Variants in PPARGC1A observed in about 807,000 individuals in gnomAD.
PPARGC1A encodes peroxisome proliferator-activated receptor gamma coactivator 1-alpha.
Under a neutral mutation model 88.7 loss-of-function variants are expected in PPARGC1A, and 25 were observed. That is an observed-to-expected ratio of 0.28 (90% CI 0.21 to 0.39). PPARGC1A has a LOEUF of 0.39. Among genes scored for constraint, PPARGC1A ranks in the 10% least tolerant of loss-of-function variants. The probability of loss-of-function intolerance (pLI) is 1.00; values close to 1 mark genes in which losing one functional copy is unlikely to be tolerated. For synonymous variants in PPARGC1A, 363 were observed against 355.6 expected (o/e 1.02, Z -0.24); for missense variants, 880 against 968.7 (o/e 0.91, Z 1.22).
At chr4:23,966,646 T>C in the PPARGC1A span, among the ~76,000 whole-genome samples, 1 of 152,184 alleles carries the variant, frequency 6.6e-6, no homozygotes, top group South Asian at 2.1e-4. Flanking sequence ...TTAAAATGGG[T>C]ATCAGCAGCT....
chr4:24,372,059 CTT>C, the PPARGC1A span, among the ~76,000 whole-genome samples: 1 of 152,174 alleles, frequency 6.6e-6, no homozygotes, highest in Non-Finnish European at 1.5e-5. Context: ...ATCTCTCTCT[CTT>C]GCCTCCAGAG....
the PPARGC1A span, among the ~76,000 whole-genome samples, chr4:24,292,349 G>A: frequency 6.6e-6 from 1 of 151,906 alleles, no homozygotes; most frequent in Non-Finnish European, 1.5e-5. Flanking sequence ...GCTGTCCACT[G>A]GTCTAAAGAA....
chr4:23,974,718 C>T, the PPARGC1A span, among the ~76,000 whole-genome samples: 2 of 151,230 alleles, frequency 1.3e-5, no homozygotes, highest in Middle Eastern at 3.5e-3. Context: ...CTGCAAGTTC[C>T]GCCCCCCGGG....
chr4:24,402,850 T>C, the PPARGC1A span, among the ~76,000 whole-genome samples: 9 of 152,254 alleles, frequency 5.9e-5, no homozygotes, highest in African/African-American at 1.9e-4. Flanking sequence ...GCTCTATGCT[T>C]GGTGCTAGAT....
At chr4:24,008,333 A>C in the PPARGC1A span, among the ~76,000 whole-genome samples, 38 of 152,320 alleles carry the variant, frequency 2.5e-4, no homozygotes, top group African/African-American at 8.4e-4. Flanking sequence ...GAAACAGAAA[A>C]GATCCTTAGG....
the PPARGC1A span, among the ~76,000 whole-genome samples, chr4:24,103,904 A>G: frequency 6.6e-6 from 1 of 152,210 alleles, no homozygotes; most frequent in Non-Finnish European, 1.5e-5. Flanking sequence ...ATTTCCTTTC[A>G]GCCGGGCCCG....
chr4:24,091,612 C>T, the PPARGC1A span: 2 of 985,370 alleles, frequency 2.0e-6, no homozygotes, highest in Non-Finnish European at 2.4e-6. Context: ...ACCAAAGCAG[C>T]AGCCAGGGCA....
the PPARGC1A span, among the ~76,000 whole-genome samples, chr4:24,040,104 A>T: frequency 6.6e-6 from 1 of 152,194 alleles, no homozygotes; most frequent in African/African-American, 2.4e-5. Flanking sequence ...TGAGGACAAC[A>T]TGATAACCAA....
the PPARGC1A span, among the ~76,000 whole-genome samples, chr4:24,071,310 C>G: frequency 6.6e-6 from 1 of 152,098 alleles, no homozygotes; most frequent in Non-Finnish European, 1.5e-5. Flanking sequence ...TTCCATAACC[C>G]CTAAACCACC....
At chr4:24,393,438 A>C in the PPARGC1A span, among the ~76,000 whole-genome samples, 3 of 152,252 alleles carry the variant, frequency 2.0e-5, no homozygotes, top group Non-Finnish European at 4.4e-5. Context: ...CCCTGTGATA[A>C]CTAAGACAAG....
At chr4:23,978,076 C>A in the PPARGC1A span, among the ~76,000 whole-genome samples, 1 of 152,132 alleles carries the variant, frequency 6.6e-6, no homozygotes, top group African/African-American at 2.4e-5. Context: ...AGTACCTCAC[C>A]ACCCCCAGCC....
chr4:23,844,752 GAT>G lies in PPARGC1A; in HGVS notation c.235-13003_235-13002del, dbSNP rs1221315709. 2.0e-4 allele frequency among the ~76,000 whole-genome samples: 18 copies of G among 91,018 alleles called. 1 individual carries two copies. The East Asian group carries it at 4.8e-3, about 24-fold the overall frequency. 59.7% of individuals were successfully genotyped at this position (91,018 alleles called of 152,430 possible). On this transcript the variant is annotated intron_variant, in intron 2 of 12. Transcript: ENST00000264867. ...TAATATATGATATATCATAATATAT[GAT>G]ATATATTATAATAATATATGATATA...
the PPARGC1A span, among the ~76,000 whole-genome samples, chr4:24,240,069 T>C: frequency 1.3e-5 from 2 of 152,192 alleles, no homozygotes; most frequent in Non-Finnish European, 2.9e-5. Flanking sequence ...AAATGCTTTG[T>C]ATAAATGGAA....
the PPARGC1A span, among the ~76,000 whole-genome samples, chr4:23,940,065 G>C: frequency 1.2e-4 from 18 of 152,132 alleles, no homozygotes; most frequent in African/African-American, 3.6e-4. Context: ...ACTTCTCAAG[G>C]CTCCCCTAAT....
the PPARGC1A span, among the ~76,000 whole-genome samples, chr4:24,218,786 C>T: frequency 1.3e-5 from 2 of 152,222 alleles, no homozygotes; most frequent in Non-Finnish European, 2.9e-5. Flanking sequence ...CAATGTGCCT[C>T]TTGAGATGAT....
the PPARGC1A span, among the ~76,000 whole-genome samples, chr4:24,334,358 A>G: frequency 6.6e-6 from 1 of 152,194 alleles, no homozygotes; most frequent in East Asian, 1.9e-4. Context: ...AAATCACTAT[A>G]ATCTTCAGAA....
At chr4:24,461,663 CTT>C in the PPARGC1A span, among the ~76,000 whole-genome samples, 1 of 152,026 alleles carries the variant, frequency 6.6e-6, no homozygotes, top group Non-Finnish European at 1.5e-5. Flanking sequence ...TGAAAGCTCT[CTT>C]AGGGGGTAGG....
the PPARGC1A span, among the ~76,000 whole-genome samples, chr4:24,106,205 C>T: frequency 6.6e-6 from 1 of 152,140 alleles, no homozygotes; most frequent in East Asian, 1.9e-4. Context: ...ATAAAGCAAG[C>T]CCAGAAAGAG....
At chr4:24,173,585 A>C in the PPARGC1A span, among the ~76,000 whole-genome samples, 2 of 152,190 alleles carry the variant, frequency 1.3e-5, no homozygotes, top group African/African-American at 4.8e-5. Context: ...TGGGAGCATT[A>C]GTTATCAATG....
Sources: allele counts gnomAD v4.1 joint callset (sites outside exome capture counted in the v4.1 genomes callset), GRCh38; gene constraint gnomAD v4.1.1; transcripts MANE v1.5; gene names NCBI Gene and HGNC (gene_info 2026-07-23, HGNC 2026-07-21).